The following PALS2 variants were observed in gnomAD, a reference collection of about 807,000 sequenced individuals.
PALS2 encodes protein PALS2.
A neutral mutation model predicts 61.6 loss-of-function variants in PALS2; 27 were observed. That is an observed-to-expected ratio of 0.44 (90% CI 0.32 to 0.60). PALS2 has a LOEUF of 0.60. Among genes scored for constraint, PALS2 ranks in the 20% least tolerant of loss-of-function variants. PALS2 has a pLI of 0.05. For synonymous variants in PALS2, 236 were observed against 218.6 expected (o/e 1.08, Z -0.70); for missense variants, 554 against 639.4 (o/e 0.87, Z 1.44).
At chr7:24,649,246 G>A (rs901007404) in intron 3 of PALS2, among the ~76,000 whole-genome samples, 2 of 151,996 alleles carry the variant, frequency 1.3e-5, no homozygotes, top group African/African-American at 4.8e-5. Flanking sequence ...TTAGTAAATA[G>A]GATTGATGGT....
At chr7:24,600,078 C>T (rs1258338836) in intron 1 of PALS2, among the ~76,000 whole-genome samples, 1 of 152,104 alleles carries the variant, frequency 6.6e-6, no homozygotes, top group Non-Finnish European at 1.5e-5. Context: ...GAAATCTGTT[C>T]ATGGTGGTTT....
At chr7:24,623,086 C>T (rs1435885444) in intron 1 of PALS2, among the ~76,000 whole-genome samples, 2 of 151,626 alleles carry the variant, frequency 1.3e-5, no homozygotes, top group Admixed American at 6.6e-5. Context: ...AAGATTTTTG[C>T]ATTTGTATTT....
chr7:24,680,506 A>T lies in PALS2; in HGVS notation c.1432A>T (p.Thr478Ser). 6.2e-7 allele frequency: 1 copy of T among 1,613,790 alleles called. No individual in the cohort carries two copies. Among genetic ancestry groups the T allele is most frequent in the Non-Finnish European group, 8.5e-7 (1 of 1,179,804 alleles). ...HKAVVDAGIT[T>S]KLLTDSDLKK... The stretch of plus-strand genomic sequence containing the variant: ...GGCTGTGGTGGATGCAGGAATCACT[A>T]CCAAGCTTCTGACCGTGAGCTAACC... The change falls in exon 11 of 12, where the codon ACC (threonine) becomes TCC (serine). Residue 478 changes from threonine (T) to serine (S), a missense_variant. Coordinates refer to ENST00000222644, the MANE Select transcript of PALS2 (RefSeq NM_001303037.2).
intron 2 of PALS2, among the ~76,000 whole-genome samples, chr7:24,625,167 A>C (rs974533561): frequency 9.9e-5 from 15 of 152,146 alleles, no homozygotes; most frequent in Non-Finnish European, 2.2e-4. Context: ...TGAAATTAGT[A>C]GGAACTATTT....
At chr7:24,574,070 G>T in intron 1 of PALS2, 1 of 152,452 alleles carries the variant, frequency 6.6e-6, no homozygotes, top group Non-Finnish European at 1.5e-5. Context: ...TGCTGTGACT[G>T]ACACCTCCGG....
At chr7:24,587,839 A>G (rs1399759285) in intron 1 of PALS2, among the ~76,000 whole-genome samples, 1 of 152,216 alleles carries the variant, frequency 6.6e-6, no homozygotes, top group Non-Finnish European at 1.5e-5. Context: ...GAAAGCCAGA[A>G]TATTATGAAA....
intron 1 of PALS2, among the ~76,000 whole-genome samples, chr7:24,601,918 T>G (rs1173941586): frequency 6.6e-6 from 1 of 152,146 alleles, no homozygotes. Flanking sequence ...TGAGTCCATT[T>G]TCATCTGTTT....
chr7:24,664,660 A>T (rs192333063), intron 6 of PALS2, among the ~76,000 whole-genome samples: 2 of 152,160 alleles, frequency 1.3e-5, no homozygotes, highest in Non-Finnish European at 2.9e-5. Context: ...TTAAAACATT[A>T]TGTATAAGTG....
chr7:24,576,878 T>C (rs942949616), intron 1 of PALS2, among the ~76,000 whole-genome samples: 1 of 152,220 alleles, frequency 6.6e-6, no homozygotes, highest in African/African-American at 2.4e-5. Flanking sequence ...TCTTCCTTTA[T>C]CATAGTCATA....
At chr7:24,615,532 G>A (rs1784264700) in intron 1 of PALS2, among the ~76,000 whole-genome samples, 1 of 151,870 alleles carries the variant, frequency 6.6e-6, no homozygotes, top group African/African-American at 2.4e-5. Context: ...TACCAAGATT[G>A]AGTCCAGATG....
intron 2 of PALS2, among the ~76,000 whole-genome samples, chr7:24,627,790 G>C (rs1784814728): frequency 6.6e-6 from 1 of 152,012 alleles, no homozygotes; most frequent in South Asian, 2.1e-4. Context: ...GTAATTCGTG[G>C]ACACATAACA....
intron 2 of PALS2, among the ~76,000 whole-genome samples, chr7:24,629,553 A>G (rs1784903155): frequency 6.6e-6 from 1 of 152,210 alleles, no homozygotes; most frequent in Non-Finnish European, 1.5e-5. Context: ...GGCAGCCTAC[A>G]GAATGGGAGA....
At chr7:24,619,717 CA>C (rs11366774) in intron 1 of PALS2, among the ~76,000 whole-genome samples, 52,329 of 101,804 alleles carry the variant, frequency 0.51, 11,797 homozygotes, top group Middle Eastern at 0.64. Context: ...GACTCTGTCT[CA>C]AAAAAAAAAA....
chr7:24,575,687 C>T (rs1782617558), intron 1 of PALS2, among the ~76,000 whole-genome samples: 1 of 152,106 alleles, frequency 6.6e-6, no homozygotes, highest in Non-Finnish European at 1.5e-5. Flanking sequence ...TTTTTGACAT[C>T]TGAGCTTTGT....
intron 3 of PALS2, among the ~76,000 whole-genome samples, chr7:24,647,885 T>G (rs879532342): frequency 1.3e-5 from 2 of 152,212 alleles, no homozygotes; most frequent in Admixed American, 1.3e-4. Context: ...AAATTTTTAC[T>G]ATAAAAATCT....
In PALS2 at chr7:24,641,769, G is replaced by C; in HGVS notation, c.171G>C (p.Leu57Phe). Residue 57 changes from leucine (L) to phenylalanine (F), a missense_variant, in exon 3 of 12, where the codon TTG becomes TTC. Leu to Phe is a conservative substitution (Grantham distance 22). Transcript: ENST00000222644. ...TAGAAGCTGTCAGTGACAATAACTT[G>C]GAATTAGTCAATGAAATTCTTGAAG... ...SKLEAVSDNN[L>F]ELVNEILEDI... 1 of 1,612,150 alleles carries C rather than the reference G, an allele frequency of 6.2e-7. No individual in the cohort carries two copies.
In PALS2 at chr7:24,641,716, G is replaced by A; in HGVS notation, c.118G>A (p.Ala40Thr). Residue 40 changes from alanine (A) to threonine (T), a missense_variant and splice_region_variant, in exon 3 of 12, where the codon GCT (alanine) becomes ACT (threonine). Transcript: ENST00000222644. ...ENPIVKSLAK[A>T]HERLEDSKLE... Reference sequence around the variant, plus strand: ...CTTTAATATACTCTTATTTTTTCAGGCTCATGAGAGGCTAGAAGATTCCAA... The same window carrying A: ...CTTTAATATACTCTTATTTTTTCAGACTCATGAGAGGCTAGAAGATTCCAA... The A allele has an allele frequency of 6.3e-7, 1 of 1,595,732 alleles. No individual in the cohort carries two copies. The highest frequency in any genetic ancestry group is 8.5e-7 in the Non-Finnish European group (1 of 1,172,498).
At chr7:24,625,611 A>G (rs568702312) in intron 2 of PALS2, among the ~76,000 whole-genome samples, 8 of 152,260 alleles carry the variant, frequency 5.3e-5, no homozygotes, top group South Asian at 4.1e-4. Context: ...ATGTTTGTGT[A>G]TGCTTATTCT....
intron 5 of PALS2, among the ~76,000 whole-genome samples, chr7:24,656,802 G>C (rs1405288349): frequency 1.3e-5 from 2 of 152,136 alleles, no homozygotes; most frequent in African/African-American, 4.8e-5. Context: ...AAAGTGCTAG[G>C]ATTACCGGCA....
Sources: allele counts gnomAD v4.1 joint callset (sites outside exome capture counted in the v4.1 genomes callset), GRCh38; gene constraint gnomAD v4.1.1; transcripts MANE v1.5; gene names NCBI Gene and HGNC (gene_info 2026-07-23, HGNC 2026-07-21).